The following UBQLN1 variants were observed in gnomAD, a reference collection of about 807,000 sequenced individuals.
UBQLN1 encodes the protein ubiquilin-1.
A neutral mutation model predicts 65.4 loss-of-function variants in UBQLN1; 13 were observed. That is an observed-to-expected ratio of 0.20 (90% CI 0.13 to 0.32). UBQLN1 has a LOEUF of 0.32. Among genes scored for constraint, UBQLN1 ranks in the 10% least tolerant of loss-of-function variants. The probability of loss-of-function intolerance (pLI) is 1.00; values close to 1 mark genes in which losing one functional copy is unlikely to be tolerated. For synonymous variants in UBQLN1, 267 were observed against 247.8 expected (o/e 1.08, Z -0.73); for missense variants, 561 against 724.0 (o/e 0.77, Z 2.58).
Position 83,677,759 on chromosome 9 carries a change from G to C in UBQLN1, c.1073C>G (p.Thr358Ser). 6.2e-7 allele frequency: 1 copy of C among 1,614,176 alleles called. No homozygotes were observed. Among genetic ancestry groups the C allele is most frequent in the Non-Finnish European group, 8.5e-7 (1 of 1,180,024 alleles). ...STASGTSGQS[T>S]TAPNLVPGVG... ...TCCAGGCACCAAATTTGGCGCAGTAGTACTCTGCCCAGAAGTGCCACTGGC... is the reference window on the plus strand; with the variant it reads ...TCCAGGCACCAAATTTGGCGCAGTACTACTCTGCCCAGAAGTGCCACTGGC... The change falls in exon 6 of 11, where the codon ACT (threonine) becomes AGT (serine). Residue 358 changes from threonine to serine, a missense_variant. Thr to Ser is a moderately conservative substitution (Grantham distance 58). Coordinates refer to ENST00000376395, the MANE Select transcript of UBQLN1 (RefSeq NM_013438.5).
chr9:83,683,414 C>CAA (rs766459859), intron 2 of UBQLN1, among the ~76,000 whole-genome samples: 3,115 of 69,544 alleles, frequency 0.045, 169 homozygotes, highest in East Asian at 0.11. Flanking sequence ...GACTCCGTCT[C>CAA]AAAAAAAAAA....
intron 1 of UBQLN1, among the ~76,000 whole-genome samples, chr9:83,687,133 T>G (rs1217652368): frequency 6.6e-6 from 1 of 151,394 alleles, no homozygotes; most frequent in Admixed American, 6.6e-5. Context: ...CCAATGAGAG[T>G]CAAGTAAAAC....
In UBQLN1 at chr9:83,669,209, G is replaced by A. The variant is rs1831691066; in HGVS notation, c.1224C>T (p.Ser408=). ...PYMRSMMQSL[S]QNPDLAAQMM... ...CCTGTGCAGCAAGGTCAGGATTCTGGCTTAGTGACTGCATCATGCTTCTCA... is the reference window on the plus strand; with the variant it reads ...CCTGTGCAGCAAGGTCAGGATTCTGACTTAGTGACTGCATCATGCTTCTCA... Residue 408 remains serine, a synonymous_variant, in exon 7 of 11, where the codon AGC becomes AGT. Coordinates refer to ENST00000376395, the MANE Select transcript of UBQLN1 (RefSeq NM_013438.5). The A allele has an allele frequency of 6.2e-7, 1 of 1,611,876 alleles. No homozygotes were observed. The highest frequency in any genetic ancestry group is 2.2e-5 in the East Asian group (1 of 44,814).
rs374239052 is a variant in UBQLN1, at chr9:83,667,779, AAG to A, written c.1249-1348_1249-1347del. ...GCTTATACCACAAGTTTTTACACTC[AAG>A]AGTCTTTTTAAATATTTAAAAATCA... On this transcript the variant is annotated intron_variant, in intron 7 of 10. Coordinates refer to ENST00000376395, the MANE Select transcript of UBQLN1 (RefSeq NM_013438.5). 37 of 970,444 alleles carry A rather than the reference AAG, an allele frequency of 3.8e-5. No homozygotes were observed. The African/African-American group carries it at 5.3e-4, about 14-fold the overall frequency. The allele number at this position is 970,444 out of a possible 1,614,324, so 60.1% of individuals were successfully genotyped here.
chr9:83,662,801 G>A (rs558858426), intron 10 of UBQLN1, among the ~76,000 whole-genome samples: 2 of 152,264 alleles, frequency 1.3e-5, no homozygotes, highest in East Asian at 1.9e-4. Flanking sequence ...CAGAAAGCAG[G>A]CCAGGCTCAC....
At chr9:83,684,839 A>T (rs1164019709) in intron 2 of UBQLN1, among the ~76,000 whole-genome samples, 3 of 145,110 alleles carry the variant, frequency 2.1e-5, no homozygotes, top group Non-Finnish European at 4.6e-5. Context: ...GTAAGGAAAT[A>T]AAAAAAACCC....
chr9:83,686,735 C>T (rs1832046908), intron 1 of UBQLN1, among the ~76,000 whole-genome samples: 2 of 152,040 alleles, frequency 1.3e-5, no homozygotes, highest in Non-Finnish European at 1.5e-5. Flanking sequence ...ATATTCTTGG[C>T]CTAGCGGTGG....
chr9:83,673,550 A>T (rs1359155980), intron 6 of UBQLN1, among the ~76,000 whole-genome samples: 1 of 54,168 alleles, frequency 1.8e-5, no homozygotes, highest in Non-Finnish European at 3.1e-5. Flanking sequence ...GTCTTTTAAA[A>T]AAAAAAAAAA....
intron 1 of UBQLN1, among the ~76,000 whole-genome samples, chr9:83,688,230 C>T (rs1205494848): frequency 6.6e-6 from 1 of 152,104 alleles, no homozygotes; most frequent in Admixed American, 6.6e-5. Flanking sequence ...TCTTAATACT[C>T]AACAATTTTT....
At chr9:83,692,016 T>A (rs1386745759) in intron 1 of UBQLN1, among the ~76,000 whole-genome samples, 1 of 152,184 alleles carries the variant, frequency 6.6e-6, no homozygotes, top group Non-Finnish European at 1.5e-5. Context: ...AAGGCTACTG[T>A]TAAATTGATT....
At chr9:83,687,679 T>G (rs1302006598) in intron 1 of UBQLN1, among the ~76,000 whole-genome samples, 1 of 152,224 alleles carries the variant, frequency 6.6e-6, no homozygotes, top group Non-Finnish European at 1.5e-5. Flanking sequence ...TATATATCAT[T>G]GTTGAAAATC....
chr9:83,702,092 C>A (rs1832319195), intron 1 of UBQLN1, among the ~76,000 whole-genome samples: 1 of 152,118 alleles, frequency 6.6e-6, no homozygotes, highest in Admixed American at 6.6e-5. Context: ...ACAACAAACG[C>A]CCAGAACAAG....
chr9:83,692,659 C>A (rs781234678), intron 1 of UBQLN1, among the ~76,000 whole-genome samples: 5 of 152,166 alleles, frequency 3.3e-5, no homozygotes, highest in Non-Finnish European at 5.9e-5. Context: ...TTGAGACCAG[C>A]CTGACCAACA....
chr9:83,705,025 G>C, intron 1 of UBQLN1, among the ~76,000 whole-genome samples: 1 of 152,080 alleles, frequency 6.6e-6, no homozygotes, highest in Non-Finnish European at 1.5e-5. Context: ...AAAGCACCCA[G>C]GATGGTGGAG....
intron 7 of UBQLN1, chr9:83,668,544 C>T (rs1831679440): frequency 1.0e-6 from 1 of 985,264 alleles, no homozygotes; most frequent in Admixed American, 6.2e-5. Context: ...GGATGAGGCC[C>T]CAACCATCGG....
At chr9:83,663,613 G>A (rs963635370) in intron 10 of UBQLN1, among the ~76,000 whole-genome samples, 3 of 151,930 alleles carry the variant, frequency 2.0e-5, no homozygotes, top group Admixed American at 6.6e-5. Context: ...ATTTTTAAAG[G>A]CAATTTCTAA....
intron 6 of UBQLN1, among the ~76,000 whole-genome samples, chr9:83,675,615 T>C (rs10121045): frequency 0.2 from 30,228 of 152,238 alleles, 3,259 homozygotes; most frequent in African/African-American, 0.26. Flanking sequence ...AACTGTGCAA[T>C]TGAGGAGCTA....
chr9:83,682,357 C>T (rs1029372700), intron 3 of UBQLN1, among the ~76,000 whole-genome samples: 1 of 151,988 alleles, frequency 6.6e-6, no homozygotes, highest in Non-Finnish European at 1.5e-5. Context: ...CAGTGGCTCT[C>T]ATCTGTAACC....
intron 6 of UBQLN1, among the ~76,000 whole-genome samples, chr9:83,669,532 T>C (rs949464289): frequency 3.3e-5 from 5 of 152,198 alleles, no homozygotes; most frequent in African/African-American, 7.2e-5. Flanking sequence ...AGAGGACTGA[T>C]GAGTTTAAAC....
Sources: gnomAD v4.1 joint callset for allele counts (sites outside exome capture counted in the v4.1 genomes callset) on GRCh38, gnomAD v4.1.1 for gene constraint, MANE v1.5 for transcripts, NCBI Gene and HGNC (gene_info 2026-07-23, HGNC 2026-07-21) for gene names.